The following FBH1 variants were observed in gnomAD, a reference collection of about 807,000 sequenced individuals.
The protein encoded by FBH1 is F-box DNA helicase 1.
A neutral mutation model predicts 115.5 loss-of-function variants in FBH1; 43 were observed. The ratio of observed to expected loss-of-function variants is 0.37; its 90% CI spans 0.29 to 0.48. FBH1 has a LOEUF of 0.48. FBH1 is among the 20% of genes least tolerant of loss of function. FBH1 has a pLI of 0.99. For synonymous variants in FBH1, 524 were observed against 507.8 expected (o/e 1.03, Z -0.43); for missense variants, 1,001 against 1,337.3 (o/e 0.75, Z 3.92).
chr10:5,924,753 A>G lies in FBH1; in HGVS notation c.2596+245A>G. Reference sequence around the variant, plus strand: ...GCTAGTTTGTGTATTTTTTGTAGAGATGGAGTCTCACCATGTTGGCCAGGC... The same window carrying G: ...GCTAGTTTGTGTATTTTTTGTAGAGGTGGAGTCTCACCATGTTGGCCAGGC... On this transcript the variant is annotated intron_variant, in intron 17 of 20. Transcript: ENST00000362091. The surrounding 1 kb of genome is among the most constrained non-coding windows in gnomAD (Gnocchi z 6.2). 1.8e-6 allele frequency: 1 copy of G among 553,198 alleles called. No homozygotes were observed. The highest frequency in any genetic ancestry group is 1.5e-5 in the South Asian group (1 of 65,246). The allele number at this position is 553,198 out of a possible 1,614,324, so 34.3% of individuals were successfully genotyped here. A position where few individuals can be genotyped will look rare whatever the true frequency, so the allele number is the denominator to read the frequency against.
intron 1 of FBH1, among the ~76,000 whole-genome samples, chr10:5,891,776 A>G (rs1222917950): frequency 6.6e-6 from 1 of 151,818 alleles, no homozygotes; most frequent in African/African-American, 2.4e-5. Flanking sequence ...TGCTCGGCTA[A>G]TTTTTTTGTA....
intron 1 of FBH1, among the ~76,000 whole-genome samples, chr10:5,896,732 C>T (rs1317155035): frequency 6.6e-6 from 1 of 152,190 alleles, no homozygotes; most frequent in African/African-American, 2.4e-5. Flanking sequence ...ACAAGAACCC[C>T]TAGTTTAGAC....
In FBH1 at chr10:5,908,989, T is replaced by G. The variant is rs1441763002; in HGVS notation, c.818T>G (p.Val273Gly). Residue 273 changes from valine to glycine, a missense_variant, in exon 4 of 21, where the codon GTG becomes GGG. Val to Gly is a moderately radical substitution (Grantham distance 109). This residue lies in a region of FBH1 where 420 missense variants were observed against 430.4 expected (regional missense o/e 0.98). Transcript: ENST00000362091. ...LMNEEQAVSK[V>G]DGILSNCGIE... Reference sequence around the variant, plus strand: ...AATGAAGAGCAAGCTGTCAGCAAAGTGGACGGCATCCTGTCTAACTGTGGC... The same window carrying G: ...AATGAAGAGCAAGCTGTCAGCAAAGGGGACGGCATCCTGTCTAACTGTGGC... The G allele has an allele frequency of 6.2e-7, 1 of 1,614,224 alleles. No individual in the cohort carries two copies. Among genetic ancestry groups the G allele is most frequent in the Non-Finnish European group, 8.5e-7 (1 of 1,180,032 alleles).
Position 5,917,628 on chromosome 10 carries a change from G to A in FBH1, c.1915G>A (p.Ala639Thr). The change falls in exon 12 of 21, where the codon GCC (alanine) becomes ACC (threonine). Residue 639 changes from alanine to threonine, a missense_variant. By Grantham distance (58) the Ala-to-Thr change is moderately conservative. Transcript: ENST00000362091. The surrounding 1 kb of genome is among the most constrained non-coding windows in gnomAD (Gnocchi z 5.6). ...KLWQLSKPSLASFDAIFVDEA... is the reference protein window; with the variant it reads ...KLWQLSKPSLTSFDAIFVDEA... ...CTGGCAGCTGAGCAAGCCTTCGCTG[G>A]CCTCTTTTGACGCCATCTTTGTGGA... 6.2e-7 allele frequency: 1 copy of A among 1,614,132 alleles called. No individual in the cohort carries two copies. The highest frequency in any genetic ancestry group is 8.5e-7 in the Non-Finnish European group (1 of 1,180,012).
rs539190656 is a variant in FBH1 at position 5,900,358 on chromosome 10, A to G, written c.2-2662A>G. 6.6e-6 allele frequency among the ~76,000 whole-genome samples: 1 copy of G among 152,364 alleles called. No homozygotes were observed. The highest frequency in any genetic ancestry group is 1.9e-4 in the East Asian group (1 of 5,190). ...CGCGTTCAGGGTGGTATGGCCGTAGACCTATCAGACTTAGAGACCTGAGGT... is the reference window on the plus strand; with the variant it reads ...CGCGTTCAGGGTGGTATGGCCGTAGGCCTATCAGACTTAGAGACCTGAGGT... On this transcript the variant is annotated intron_variant, in intron 1 of 20. Transcript: ENST00000362091. The surrounding 1 kb of genome is among the most constrained non-coding windows in gnomAD (Gnocchi z 4.2).
At position 5,895,088 on chromosome 10, in the gene FBH1, T is replaced by C. The variant is rs571359384; in HGVS notation, c.1+4742T>C. ...TTGGACCTGTCAAGTGCCTGAGTCA[T>C]GTGATAATGGGCTACATTGCGCAGG... is the stretch of plus-strand genomic sequence containing the variant. On this transcript the variant is annotated intron_variant, in intron 1 of 20. Coordinates refer to ENST00000362091, the MANE Select transcript of FBH1 (RefSeq NM_178150.3). The surrounding 1 kb of genome is among the most constrained non-coding windows in gnomAD (Gnocchi z 5.0). 9.4e-5 allele frequency: 152 copies of C among 1,612,856 alleles called. 1 individual carries two copies. The South Asian group carries it at 1.2e-3, about 13-fold the overall frequency.
chr10:5,908,432 A>G (rs912713263), intron 3 of FBH1, among the ~76,000 whole-genome samples: 7 of 152,132 alleles, frequency 4.6e-5, no homozygotes, highest in African/African-American at 1.7e-4. Flanking sequence ...AGATTCTTTA[A>G]CTATAACAAG....
In FBH1 at chr10:5,917,254, G is replaced by A. The variant is rs745931291; in HGVS notation, c.1789-166G>A. Reference sequence around the variant, plus strand: ...GTCTCAGCACTGGAGACCCTCTGGCGTGGAGAGGCTGTTGAGGAGACCCAG... The same window carrying A: ...GTCTCAGCACTGGAGACCCTCTGGCATGGAGAGGCTGTTGAGGAGACCCAG... On this transcript the variant is annotated intron_variant, in intron 10 of 20. Coordinates refer to ENST00000362091, the MANE Select transcript of FBH1 (RefSeq NM_178150.3). This position sits in a 1 kb window ranked among gnomAD's most constrained non-coding sequence, Gnocchi z 5.6. The A allele has an allele frequency of 2.9e-5, 18 of 624,024 alleles. No homozygotes were observed. Among genetic ancestry groups the A allele is most frequent in the African/African-American group, 1.1e-4 (6 of 54,788 alleles). 38.7% of individuals were successfully genotyped at this position (624,024 alleles called of 1,614,324 possible). A position where few individuals can be genotyped will look rare whatever the true frequency, so the allele number is the denominator to read the frequency against.
rs535650157 is a variant in FBH1, at chr10:5,921,677, G to A, written c.2322+108G>A. The stretch of plus-strand genomic sequence containing the variant: ...GGATTATCATGCAAGAAAGCATTTG[G>A]GTTTTTGACTCTTTCCACCAGGCTG... On this transcript the variant is annotated intron_variant, in intron 15 of 20. Transcript: ENST00000362091. This position sits in a 1 kb window ranked among gnomAD's most constrained non-coding sequence, Gnocchi z 6.4. The A allele has an allele frequency of 2.7e-6, 4 of 1,456,656 alleles. No individual in the cohort carries two copies. In the South Asian group the frequency reaches 5.3e-5, roughly 19 times the overall value. The allele number at this position is 1,456,656 out of a possible 1,614,324, so 90.2% of individuals were successfully genotyped here.
chr10:5,899,708 C>T (rs1345021789), intron 1 of FBH1, among the ~76,000 whole-genome samples: 1 of 152,184 alleles, frequency 6.6e-6, no homozygotes, highest in Non-Finnish European at 1.5e-5. Flanking sequence ...TTCTGGAAGC[C>T]ATGTTGCCGC....
chr10:5,915,522 G>T lies in FBH1; in HGVS notation c.1516G>T (p.Val506Phe). Reference protein sequence around the residue: ...KQAERVFPSNVICKTFHSMAY... With the variant: ...KQAERVFPSNFICKTFHSMAY... ...GGCCGAACGCGTCTTCCCCAGCAAC[G>T]TCATCTGCAAAACCTTCCACTCCAT... is the stretch of plus-strand genomic sequence containing the variant. Residue 506 changes from valine (V) to phenylalanine (F), a missense_variant, in exon 9 of 21, where the codon GTC becomes TTC. This residue lies in a region of FBH1 where 521 missense variants were observed against 811.0 expected (regional missense o/e 0.64). Transcript: ENST00000362091. The surrounding 1 kb of genome is among the most constrained non-coding windows in gnomAD (Gnocchi z 5.2). The T allele has an allele frequency of 6.2e-7, 1 of 1,614,214 alleles. No individual in the cohort carries two copies. The highest frequency in any genetic ancestry group is 1.1e-5 in the South Asian group (1 of 91,086).
At chr10:5,890,452 G>C (rs1279582677) in intron 1 of FBH1, 106 bp downstream of exon 1, 2 of 335,670 alleles carry the variant, frequency 6.0e-6, no homozygotes, top group African/African-American at 4.4e-5. Flanking sequence ...GGGTGGGGCA[G>C]CGGGGGCCCC....
At position 5,911,271 on chromosome 10, in the gene FBH1, C is replaced by T. The variant is rs975347808; in HGVS notation, c.1211+143C>T. On this transcript the variant is annotated intron_variant, in intron 6 of 20. Coordinates refer to ENST00000362091, the MANE Select transcript of FBH1 (RefSeq NM_178150.3). This position sits in a 1 kb window ranked among gnomAD's most constrained non-coding sequence, Gnocchi z 5.4. Reference sequence around the variant, plus strand: ...TGCTCCACCTCAGTGTCATCTTCTGCAGGAGCCAGGGGCTGAGAGTTTGAT... The same window carrying T: ...TGCTCCACCTCAGTGTCATCTTCTGTAGGAGCCAGGGGCTGAGAGTTTGAT... 3 of 776,160 alleles carry T rather than the reference C, an allele frequency of 3.9e-6. No individual in the cohort carries two copies. The African/African-American group carries it at 5.3e-5, about 14-fold the overall frequency. The allele number at this position is 776,160 out of a possible 1,614,324, so 48.1% of individuals were successfully genotyped here.
chr10:5,918,435 C>A lies in FBH1; in HGVS notation c.2057C>A (p.Ala686Asp). 6.2e-7 allele frequency: 1 copy of A among 1,611,242 alleles called. No homozygotes were observed. The highest frequency in any genetic ancestry group is 8.5e-7 in the Non-Finnish European group (1 of 1,179,280). ...TATACCTTCCGGGGTGCGGTCAACG[C>A]CCTGTTCACAGTGCCCCACACCCAC... ...QIYTFRGAVN[A>D]LFTVPHTHVF... Residue 686 changes from alanine to aspartate, a missense_variant, in exon 13 of 21, where the codon GCC (alanine) becomes GAC (aspartate). Physicochemically the swap from Ala to Asp is moderately radical, Grantham distance 126. This residue lies in a region of FBH1 where 521 missense variants were observed against 811.0 expected (regional missense o/e 0.64). Coordinates refer to ENST00000362091, the MANE Select transcript of FBH1 (RefSeq NM_178150.3). The surrounding 1 kb of genome is among the most constrained non-coding windows in gnomAD (Gnocchi z 4.0).
Position 5,911,199 on chromosome 10 carries a change from C to G in FBH1, c.1211+71C>G. 1 of 1,460,416 alleles carries G rather than the reference C, an allele frequency of 6.8e-7. No individual in the cohort carries two copies. Among genetic ancestry groups the G allele is most frequent in the Non-Finnish European group, 9.3e-7 (1 of 1,072,684 alleles). 90.5% of individuals were successfully genotyped at this position (1,460,416 alleles called of 1,614,324 possible). ...GTCCCAGACACAGCAGCAGGTCCAG[C>G]CCTGCCACTTAGCAGTGTTAGCACC... On this transcript the variant is annotated intron_variant, in intron 6 of 20. Transcript: ENST00000362091. This position sits in a 1 kb window ranked among gnomAD's most constrained non-coding sequence, Gnocchi z 5.4.
intron 1 of FBH1, chr10:5,893,933 A>G (rs1277577286): frequency 2.2e-6 from 2 of 920,142 alleles, no homozygotes; most frequent in Admixed American, 6.2e-5. Context: ...GACCATAAGT[A>G]GTGATCTTTC....
rs1842948016 is a variant in FBH1 at position 5,895,337 on chromosome 10, T to C, written c.1+4991T>C. The C allele has an allele frequency of 1.5e-6, 1 of 680,974 alleles. No individual in the cohort carries two copies. Among genetic ancestry groups the C allele is most frequent in the African/African-American group, 1.9e-5 (1 of 53,776 alleles). The allele number at this position is 680,974 out of a possible 1,614,324, so 42.2% of individuals were successfully genotyped here. ...AGGTACCTTGTACTAGCGAGTCAAC[T>C]TGATTTTTTTTTGAAAAAGCAATTA... On this transcript the variant is annotated intron_variant, in intron 1 of 20. Transcript: ENST00000362091. The surrounding 1 kb of genome is among the most constrained non-coding windows in gnomAD (Gnocchi z 5.0).
chr10:5,934,364 G>GTTTTTTTTTTTTTTTTTTTTTTTTTTT (rs60109796), intron 19 of FBH1: 1 of 141,090 alleles, frequency 7.1e-6, no homozygotes, highest in African/African-American at 2.7e-5. Context: ...TCAAAGACAG[G>GTTTTTTTTTTTTTTTTTTTTTTTTTTT]TTTTTTTTTT....
chr10:5,908,952 C>A lies in FBH1; in HGVS notation c.781C>A (p.Arg261=), dbSNP rs201072660. ...LFIPWKKLYH[R]YLMNEEQAVS... ...CATTCCTTGGAAGAAGCTGTACCAT[C>A]GATACCTGATGAATGAAGAGCAAGC... The change falls in exon 4 of 21, where the codon CGA becomes AGA. Residue 261 remains arginine (R), a synonymous_variant. Transcript: ENST00000362091. The A allele has an allele frequency of 2.2e-5, 36 of 1,614,130 alleles. No homozygotes were observed. The highest frequency in any genetic ancestry group is 2.5e-5 in the Non-Finnish European group (30 of 1,180,030).
Sources: gnomAD v4.1 joint callset for allele counts (sites outside exome capture counted in the v4.1 genomes callset) on GRCh38, gnomAD v4.1.1 for gene constraint, gnomAD v4.1.1 regional missense constraint, Gnocchi (gnomAD v3.1) non-coding constraint, MANE v1.5 for transcripts, NCBI Gene and HGNC (gene_info 2026-07-23, HGNC 2026-07-21) for gene names.